Variants in SELENOK observed in about 807,000 individuals in gnomAD.
SELENOK encodes selenoprotein K.
In SELENOK, 11 loss-of-function variants were observed where a neutral mutation model predicts 17.3. The ratio of observed to expected loss-of-function variants is 0.63; its 90% CI spans 0.40 to 1.05. The LOEUF (loss-of-function observed/expected upper bound fraction) is 1.05. SELENOK is among the 50% of genes least tolerant of loss of function. SELENOK has a pLI of 0.00. For synonymous variants in SELENOK, 45 were observed against 35.4 expected (o/e 1.27, Z -0.97); for missense variants, 125 against 113.9 (o/e 1.10, Z -0.44).
In SELENOK at chr3:53,888,460, G is replaced by C. The variant is rs1237797947; in HGVS notation, c.43C>G (p.Gln15Glu). 2 of 1,611,080 alleles carry C rather than the reference G, an allele frequency of 1.2e-6. No homozygotes were observed. The highest frequency in any genetic ancestry group is 1.7e-5 in the Admixed American group (1 of 59,960). Reference sequence around the variant, plus strand: ...ATCAAAGATAATCTCCATGGAGACTGACTCCGGCTGTCCAACACTTGTCCT... The same window carrying C: ...ATCAAAGATAATCTCCATGGAGACTCACTCCGGCTGTCCAACACTTGTCCT... ...SNGQVLDSRS[Q>E]SPWRLSLITD... is the part of the protein sequence containing the mutation. Residue 15 changes from glutamine (Q) to glutamate (E), a missense_variant, in exon 2 of 5, where the codon CAG (glutamine) becomes GAG (glutamate). Gln to Glu is a conservative substitution (Grantham distance 29). Transcript: ENST00000495461.
At chr3:53,891,717 G>T in intron 1 of SELENOK, 53 bp downstream of exon 1, 1 of 1,607,944 alleles carries the variant, frequency 6.2e-7, no homozygotes, top group Non-Finnish European at 8.5e-7. Flanking sequence ...AAAGGAACCT[G>T]GAGTCCGATC....
chr3:53,887,301 G>C (rs916208945), intron 2 of SELENOK, among the ~76,000 whole-genome samples: 1 of 152,200 alleles, frequency 6.6e-6, no homozygotes, highest in African/African-American at 2.4e-5. Flanking sequence ...GAGGGGCCAA[G>C]GGTGGTGTGG....
chr3:53,890,833 C>A (rs528078142), intron 1 of SELENOK: 2 of 152,338 alleles, frequency 1.3e-5, no homozygotes, highest in East Asian at 3.9e-4. Context: ...CTACCTTACT[C>A]GTCTCTGGAG....
In SELENOK at chr3:53,886,942, A is replaced by G. The variant is rs189566485; in HGVS notation, c.111-8T>C. On this transcript the variant is annotated splice_region_variant and splice_polypyrimidine_tract_variant and intron_variant, in intron 2 of 4. Coordinates refer to ENST00000495461, the MANE Select transcript of SELENOK (RefSeq NM_021237.5). ...TGAAGCAGAGTTTTGAAACTGAAAC[A>G]AGGGGCAGAAAACAACAAAGGTATC... 128 of 1,540,446 alleles carry G rather than the reference A, an allele frequency of 8.3e-5. No homozygotes were observed. The African/African-American group carries it at 1.7e-3, about 20-fold the overall frequency.
Position 53,885,563 on chromosome 3 carries a change from T to C in SELENOK, c.282-2A>G, listed in dbSNP as rs747814091. 6.2e-6 allele frequency: 10 copies of C among 1,610,814 alleles called. No homozygotes were observed. In the Admixed American group the frequency reaches 1.3e-4, roughly 22 times the overall value. ...CTGCTTCTTAGAGCAGACATTTACCTGAAAGAAAATGTTACAATAATTAGT... is the reference window on the plus strand; with the variant it reads ...CTGCTTCTTAGAGCAGACATTTACCCGAAAGAAAATGTTACAATAATTAGT... On this transcript the variant is annotated splice_acceptor_variant, in intron 4 of 4. Coordinates refer to ENST00000495461, the MANE Select transcript of SELENOK (RefSeq NM_021237.5). LOFTEE classifies it high-confidence loss of function.
At chr3:53,886,114 C>T (rs1213275227) in intron 3 of SELENOK, among the ~76,000 whole-genome samples, 2 of 152,190 alleles carry the variant, frequency 1.3e-5, no homozygotes, top group African/African-American at 4.8e-5. Flanking sequence ...ACACAAGGAA[C>T]TGAGTCAAGA....
In SELENOK at chr3:53,886,888, C is replaced by G; in HGVS notation, c.157G>C (p.Gly53Arg). ...TCATATCTGGAATCAGATGAGTTTCCATAGCTTCTTCTTTTTTTCACATCT... is the reference window on the plus strand; with the variant it reads ...TCATATCTGGAATCAGATGAGTTTCGATAGCTTCTTCTTTTTTTCACATCT... ...QQDVKKRRSYGNSSDSRYDDG... is the reference protein window; with the variant it reads ...QQDVKKRRSYRNSSDSRYDDG... Residue 53 changes from glycine (G) to arginine (R), a missense_variant, in exon 3 of 5, where the codon GGA becomes CGA. Transcript: ENST00000495461. The G allele has an allele frequency of 6.4e-7, 1 of 1,572,866 alleles. No homozygotes were observed. Among genetic ancestry groups the G allele is most frequent in the Non-Finnish European group, 8.6e-7 (1 of 1,157,416 alleles).
At chr3:53,889,035 C>A (rs146897046) in intron 1 of SELENOK, among the ~76,000 whole-genome samples, 1 of 150,504 alleles carries the variant, frequency 6.6e-6, no homozygotes, top group East Asian at 1.9e-4. Flanking sequence ...CCAGCCTGGG[C>A]GACAGAGCAA....
At chr3:53,890,074 A>C (rs1244611588) in intron 1 of SELENOK, among the ~76,000 whole-genome samples, 1 of 152,164 alleles carries the variant, frequency 6.6e-6, no homozygotes, top group Non-Finnish European at 1.5e-5. Context: ...ATGAGGGTTT[A>C]CTTTTCCTCT....
chr3:53,890,707 T>C (rs1422144575), intron 1 of SELENOK, among the ~76,000 whole-genome samples: 1 of 152,250 alleles, frequency 6.6e-6, no homozygotes, highest in African/African-American at 2.4e-5. Context: ...TTGATGCTTT[T>C]CTGTAGTGTC....
At chr3:53,886,321 C>T (rs1210164232) in intron 3 of SELENOK, among the ~76,000 whole-genome samples, 1 of 152,186 alleles carries the variant, frequency 6.6e-6, no homozygotes, top group East Asian at 1.9e-4. Flanking sequence ...ACTGCAACCT[C>T]TACCTCCTGG....
intron 2 of SELENOK, among the ~76,000 whole-genome samples, chr3:53,887,273 C>T (rs1247108179): frequency 4.6e-5 from 7 of 152,098 alleles, no homozygotes; most frequent in Admixed American, 2.0e-4. Context: ...CAAAAGTCTA[C>T]CTAACATCTT....
Position 53,885,816 on chromosome 3 carries a change from C to G in SELENOK, c.281+10G>C. The G allele has an allele frequency of 1.3e-6, 2 of 1,570,108 alleles. No individual in the cohort carries two copies. Among genetic ancestry groups the G allele is most frequent in the Non-Finnish European group, 1.7e-6 (2 of 1,153,772 alleles). On this transcript the variant is annotated intron_variant, in intron 4 of 4. Coordinates refer to ENST00000495461, the MANE Select transcript of SELENOK (RefSeq NM_021237.5). ...AAAATCCTACAAAAGAATTTCAGAT[C>G]TGAAGTTACCTTCCTCATCCACCAG...
intron 1 of SELENOK, among the ~76,000 whole-genome samples, chr3:53,891,449 G>C (rs1411400555): frequency 6.6e-6 from 1 of 152,218 alleles, no homozygotes; most frequent in Non-Finnish European, 1.5e-5. Flanking sequence ...GTCCTTACTA[G>C]TTTTAAGGAT....
At chr3:53,890,189 T>C (rs2107092330) in intron 1 of SELENOK, among the ~76,000 whole-genome samples, 1 of 152,366 alleles carries the variant, frequency 6.6e-6, no homozygotes, top group Non-Finnish European at 1.5e-5. Flanking sequence ...ACAGGCTTAG[T>C]TCTCTGCCTC....
intron 3 of SELENOK, 32 bp from the exon 4 acceptor site, chr3:53,885,944 T>G (rs1169528044): frequency 7.3e-7 from 1 of 1,375,192 alleles, no homozygotes; most frequent in Non-Finnish European, 9.7e-7. Context: ...ATCTACTGTT[T>G]GATAGACACA....
At position 53,885,486 on chromosome 3, in the gene SELENOK, C is replaced by T; in HGVS notation, c.*72G>A. 6.8e-7 allele frequency: 1 copy of T among 1,480,284 alleles called. No individual in the cohort carries two copies. The allele number at this position is 1,480,284 out of a possible 1,614,324, so 91.7% of individuals were successfully genotyped here. A position where few individuals can be genotyped will look rare whatever the true frequency, so the allele number is the denominator to read the frequency against. On this transcript the variant is annotated 3_prime_UTR_variant, in exon 5 of 5. Transcript: ENST00000495461. ...TTCATCTACTGCTCATCATGGTCAG[C>T]CTTCCACTTCTTGATGGTTTCCTTC...
chr3:53,891,781 T>C lies in SELENOK; in HGVS notation c.8A>G (p.Tyr3Cys), dbSNP rs368990240. 5.0e-6 allele frequency: 8 copies of C among 1,613,896 alleles called. No individual in the cohort carries two copies. The highest frequency in any genetic ancestry group is 6.8e-6 in the Non-Finnish European group (8 of 1,179,846). The change falls in exon 1 of 5, where the codon TAC becomes TGC. Residue 3 changes from tyrosine (Y) to cysteine (C), a missense_variant. Coordinates refer to ENST00000495461, the MANE Select transcript of SELENOK (RefSeq NM_021237.5). The stretch of plus-strand genomic sequence containing the variant: ...CGCTCTCAACTTACCGTTCGAGATG[T>C]AAACCATCTTGTCCCACTTCCCCGC... MV[Y>C]ISNGQVLDSR...
chr3:53,887,020 G>C, intron 2 of SELENOK, 86 bp from the exon 3 acceptor site: 1 of 1,079,082 alleles, frequency 9.3e-7, no homozygotes. Flanking sequence ...CATCATCTCT[G>C]TGAGAGGATT....
Sources: allele counts gnomAD v4.1 joint callset (sites outside exome capture counted in the v4.1 genomes callset), GRCh38; gene constraint gnomAD v4.1.1; transcripts MANE v1.5; gene names NCBI Gene and HGNC (gene_info 2026-07-23, HGNC 2026-07-21).